SDK1: variants seen among roughly 807,000 people sequenced by gnomAD.
SDK1 encodes the protein protein sidekick-1.
In SDK1, 157 loss-of-function variants were observed where a neutral mutation model predicts 245.5. The ratio of observed to expected loss-of-function variants is 0.64; its 90% CI spans 0.56 to 0.73. SDK1 has a LOEUF of 0.73. SDK1 is among the 30% of genes least tolerant of loss of function. The pLI is 0.00. For missense variants in SDK1, 3,583 were observed against 3,002.3 expected, an observed-to-expected ratio of 1.19 and a Z score of -4.52; for synonymous variants, 1,647 against 1,278.5, an observed-to-expected ratio of 1.29 and a Z score of -6.15.
intron 4 of SDK1, among the ~76,000 whole-genome samples, chr7:3,679,497 G>T (rs1256773252): frequency 2.0e-5 from 3 of 152,250 alleles, no homozygotes; most frequent in African/African-American, 7.2e-5. Flanking sequence ...AACCCGGGAG[G>T]TGGAGCTTGC....
At chr7:3,505,019 C>T (rs776828216) in intron 1 of SDK1, among the ~76,000 whole-genome samples, 1 of 152,166 alleles carries the variant, frequency 6.6e-6, no homozygotes, top group Non-Finnish European at 1.5e-5. Flanking sequence ...GGTGATACAA[C>T]TCCTGATGTT....
At chr7:3,670,337 C>T (rs989085979) in intron 4 of SDK1, among the ~76,000 whole-genome samples, 4 of 152,318 alleles carry the variant, frequency 2.6e-5, no homozygotes, top group African/African-American at 4.8e-5. Flanking sequence ...TTCCCTCTGA[C>T]GTCCAGCCAC....
At chr7:3,855,593 G>C (rs1190728858) in intron 5 of SDK1, among the ~76,000 whole-genome samples, 1 of 152,096 alleles carries the variant, frequency 6.6e-6, no homozygotes, top group Admixed American at 6.5e-5. Context: ...ATAGAAGATA[G>C]AGCCAGCAGT....
rs779154439 is a variant in SDK1 at position 4,233,297 on chromosome 7, G to A, written c.5870G>A (p.Ser1957Asn). The A allele has an allele frequency of 3.1e-5, 50 of 1,613,830 alleles. No individual in the cohort carries two copies. The highest frequency in any genetic ancestry group is 4.2e-5 in the Non-Finnish European group (50 of 1,180,010). Residue 1957 changes from serine (S) to asparagine (N), a missense_variant, in exon 41 of 45, where the codon AGC (serine) becomes AAC (asparagine). By Grantham distance (46) the Ser-to-Asn change is conservative. Coordinates refer to ENST00000404826, the MANE Select transcript of SDK1 (RefSeq NM_152744.4). ...ATGTTTGTGAAGGACATCCCGCGGA[G>A]CGCCACATCCTACACCCTCAGCCTG... is the stretch of plus-strand genomic sequence containing the variant. ...WDMFVKDIPR[S>N]ATSYTLSLDK...
rs199934086 is a variant in SDK1 at position 4,206,012 on chromosome 7, G to T, written c.5214+18G>T. 1 of 1,486,022 alleles carries T rather than the reference G, an allele frequency of 6.7e-7. No homozygotes were observed. The highest frequency in any genetic ancestry group is 9.1e-7 in the Non-Finnish European group (1 of 1,102,740). 92.1% of individuals were successfully genotyped at this position (1,486,022 alleles called of 1,614,324 possible). ...GCTACAAGGCAAGGCCCTCCCGTGC[G>T]GTTGCCTCCCCTGGCTCGCTTGGGC... On this transcript the variant is annotated intron_variant, in intron 36 of 44. Coordinates refer to ENST00000404826, the MANE Select transcript of SDK1 (RefSeq NM_152744.4).
chr7:3,715,520 C>G (rs1049083852), intron 4 of SDK1, among the ~76,000 whole-genome samples: 1 of 152,146 alleles, frequency 6.6e-6, no homozygotes, highest in Non-Finnish European at 1.5e-5. Flanking sequence ...GAAGTGCGTT[C>G]TGTCCCACAG....
At chr7:4,116,688 AGAGGGCAG>A (rs1308805263) in intron 25 of SDK1, among the ~76,000 whole-genome samples, 1 of 152,200 alleles carries the variant, frequency 6.6e-6, no homozygotes, top group Non-Finnish European at 1.5e-5. Flanking sequence ...TACTCTTCTC[AGAGGGCAG>A]GAGGTGAGGG....
In SDK1 at chr7:3,943,064, G is replaced by A. The variant is rs139132001; in HGVS notation, c.848-7859G>A. On this transcript the variant is annotated intron_variant, in intron 5 of 44. Coordinates refer to ENST00000404826, the MANE Select transcript of SDK1 (RefSeq NM_152744.4). ...TGCGAAAGTTTCAAGAGGCGTATTC[G>A]CCAGGAGCACTCGGCTGTGAATCCA... is the stretch of plus-strand genomic sequence containing the variant. 4.8e-3 allele frequency among the ~76,000 whole-genome samples: 738 copies of A among 152,332 alleles called. 7 individuals are homozygous for A. Among genetic ancestry groups the A allele is most frequent in the African/African-American group, 0.016 (670 of 41,584 alleles).
chr7:4,233,151 C>T (rs1352561955), intron 40 of SDK1, 104 bp from the exon 41 acceptor site: 11 of 1,083,038 alleles, frequency 1.0e-5, no homozygotes, highest in Non-Finnish European at 1.5e-5. Flanking sequence ...CCTGATGCCT[C>T]ATCCAGGGCT....
chr7:3,541,438 C>T (rs1056965486), intron 1 of SDK1, among the ~76,000 whole-genome samples: 1 of 152,168 alleles, frequency 6.6e-6, no homozygotes, highest in African/African-American at 2.4e-5. Flanking sequence ...GTGTGTTTGC[C>T]TCTGCCTGTA....
In SDK1 at chr7:4,175,514, A is replaced by T. The variant is rs564683789; in HGVS notation, c.4937-261A>T. Among the ~76,000 whole-genome samples the T allele has an allele frequency of 2.0e-5, 3 of 152,336 alleles. No individual in the cohort carries two copies. In the South Asian group the frequency reaches 6.2e-4, roughly 32 times the overall value. The stretch of plus-strand genomic sequence containing the variant: ...GTTGTGCCAAAAACTAGCATGTTTC[A>T]CTGAATCAGAGTGGTAAGCACACCC... On this transcript the variant is annotated intron_variant, in intron 33 of 44. Coordinates refer to ENST00000404826, the MANE Select transcript of SDK1 (RefSeq NM_152744.4).
At chr7:3,386,182 C>A (rs752050594) in intron 1 of SDK1, among the ~76,000 whole-genome samples, 2 of 152,090 alleles carry the variant, frequency 1.3e-5, no homozygotes, top group Admixed American at 6.6e-5. Flanking sequence ...TATGTATTAG[C>A]ATCCAGCCAA....
At chr7:3,727,974 A>C (rs1197928940) in intron 4 of SDK1, among the ~76,000 whole-genome samples, 2 of 152,114 alleles carry the variant, frequency 1.3e-5, no homozygotes, top group African/African-American at 4.8e-5. Context: ...AGTTTCTCCA[A>C]CTTTGCTCGT....
chr7:4,089,001 G>GAGACCCTCCCTCAGGCGGAGGTA (rs1249506623), intron 22 of SDK1, among the ~76,000 whole-genome samples: 3 of 151,234 alleles, frequency 2.0e-5, no homozygotes, highest in Admixed American at 6.6e-5. Flanking sequence ...AGGTGGAGGT[G>GAGACCCTCCCTCAGGCGGAGGTA]AGACCCTTGT....
At chr7:4,163,322 G>A (rs189655055) in intron 32 of SDK1, among the ~76,000 whole-genome samples, 23 of 152,310 alleles carry the variant, frequency 1.5e-4, no homozygotes, top group Middle Eastern at 3.4e-3. Context: ...CAGGGTGCCC[G>A]ATGCAGCAGG....
intron 1 of SDK1, among the ~76,000 whole-genome samples, chr7:3,302,632 A>G (rs1779306849): frequency 7.2e-6 from 1 of 139,814 alleles, no homozygotes; most frequent in Non-Finnish European, 1.5e-5. Context: ...CGCCCCCGAC[A>G]AAACCCGTAA....
chr7:3,712,371 A>G (rs1785074109), intron 4 of SDK1, among the ~76,000 whole-genome samples: 1 of 152,148 alleles, frequency 6.6e-6, no homozygotes, highest in African/African-American at 2.4e-5. Context: ...CCCAGATGGG[A>G]CTGTCTAGTT....
intron 1 of SDK1, among the ~76,000 whole-genome samples, chr7:3,387,214 A>G (rs948498270): frequency 2.6e-5 from 4 of 152,060 alleles, no homozygotes; most frequent in Non-Finnish European, 5.9e-5. Flanking sequence ...GGGATTGCCT[A>G]CTGAGGTTTT....
intron 28 of SDK1, among the ~76,000 whole-genome samples, chr7:4,137,949 T>C (rs1329938040): frequency 6.6e-6 from 1 of 152,248 alleles, no homozygotes; most frequent in African/African-American, 2.4e-5. Context: ...CTGTCTTCTA[T>C]TGTCCATCGA....
Sources: allele counts gnomAD v4.1 joint callset (sites outside exome capture counted in the v4.1 genomes callset), GRCh38; gene constraint gnomAD v4.1.1; transcripts MANE v1.5; gene names NCBI Gene and HGNC (gene_info 2026-07-23, HGNC 2026-07-21).